PLPPR5: variants seen among roughly 807,000 people sequenced by gnomAD.
The protein encoded by PLPPR5 is phospholipid phosphatase-related protein type 5.
A neutral mutation model predicts 33.9 loss-of-function variants in PLPPR5; 16 were observed. The ratio of observed to expected loss-of-function variants is 0.47; its 90% CI spans 0.32 to 0.72. The LOEUF is 0.72. PLPPR5 is among the 30% of genes least tolerant of loss of function. The probability of loss-of-function intolerance (pLI) is 0.03; values close to 1 mark genes in which losing one functional copy is unlikely to be tolerated. For synonymous variants in PLPPR5, 163 were observed against 150.3 expected (o/e 1.08, Z -0.62); for missense variants, 301 against 406.7 (o/e 0.74, Z 2.23).
chr1:98,935,874 C>T (rs1570712675), intron 3 of PLPPR5, among the ~76,000 whole-genome samples: 1 of 152,162 alleles, frequency 6.6e-6, no homozygotes, highest in Admixed American at 6.5e-5. Context: ...ATCCCACTCT[C>T]TTCCAAAAAA....
chr1:98,952,302 G>C (rs1463116930), intron 3 of PLPPR5, among the ~76,000 whole-genome samples: 1 of 151,676 alleles, frequency 6.6e-6, no homozygotes, highest in Non-Finnish European at 1.5e-5. Flanking sequence ...ACCTTATTGG[G>C]GTTTGTGGAA....
At chr1:98,997,976 G>A (rs1404977597) in intron 1 of PLPPR5, among the ~76,000 whole-genome samples, 4 of 152,154 alleles carry the variant, frequency 2.6e-5, no homozygotes, top group Non-Finnish European at 2.9e-5. Flanking sequence ...AGAGAGAGAA[G>A]GGTGGAAGAG....
In PLPPR5 at chr1:98,956,653, C is replaced by A. The variant is rs762566303; in HGVS notation, c.326G>T (p.Cys109Phe). The change falls in exon 2 of 6, where the codon TGT (cysteine) becomes TTT (phenylalanine). Residue 109 changes from cysteine to phenylalanine, a missense_variant. Transcript: ENST00000263177. Reference sequence around the variant, plus strand: ...GCGCACCAGCGGGTTTATATAGCAACAGTCTCCAGTTAAAATAGTTTTTTC... The same window carrying A: ...GCGCACCAGCGGGTTTATATAGCAAAAGTCTCCAGTTAAAATAGTTTTTTC... ...NQEKTILTGD[C>F]CYINPLVRRT... The A allele has an allele frequency of 1.9e-6, 3 of 1,602,456 alleles. No individual in the cohort carries two copies. The highest frequency in any genetic ancestry group is 2.6e-6 in the Non-Finnish European group (3 of 1,175,958).
At chr1:98,985,650 T>A (rs1355292972) in intron 1 of PLPPR5, among the ~76,000 whole-genome samples, 1 of 152,004 alleles carries the variant, frequency 6.6e-6, no homozygotes, top group Non-Finnish European at 1.5e-5. Flanking sequence ...CATTTTTTAA[T>A]CTATTATACC....
At chr1:98,968,044 A>C (rs955954687) in intron 1 of PLPPR5, among the ~76,000 whole-genome samples, 9 of 152,160 alleles carry the variant, frequency 5.9e-5, no homozygotes, top group Non-Finnish European at 1.3e-4. Flanking sequence ...AGCTACGAGC[A>C]TTCTTTTTAA....
At chr1:98,928,744 A>G (rs1649857699) in intron 3 of PLPPR5, among the ~76,000 whole-genome samples, 1 of 151,444 alleles carries the variant, frequency 6.6e-6, no homozygotes, top group South Asian at 2.1e-4. Flanking sequence ...CACTGATCCT[A>G]AAACCATTTT....
chr1:98,935,448 C>T (rs970710725), intron 3 of PLPPR5, among the ~76,000 whole-genome samples: 28 of 152,236 alleles, frequency 1.8e-4, no homozygotes, highest in Admixed American at 6.5e-4. Context: ...TTCACCTTTA[C>T]TATTTAATTT....
At chr1:98,998,469 T>C (rs1652707189) in intron 1 of PLPPR5, among the ~76,000 whole-genome samples, 1 of 152,120 alleles carries the variant, frequency 6.6e-6, no homozygotes, top group South Asian at 2.1e-4. Context: ...CCAAGCTTAA[T>C]AGGAAACAAA....
At chr1:98,930,697 T>C (rs1002379070) in intron 3 of PLPPR5, among the ~76,000 whole-genome samples, 2 of 152,204 alleles carry the variant, frequency 1.3e-5, no homozygotes, top group Non-Finnish European at 2.9e-5. Flanking sequence ...AGTGTGCTTA[T>C]AACGTATTTC....
chr1:99,003,693 C>A (rs1316026419), intron 1 of PLPPR5, among the ~76,000 whole-genome samples: 1 of 152,106 alleles, frequency 6.6e-6, no homozygotes, highest in Non-Finnish European at 1.5e-5. Context: ...CTCTCACACA[C>A]ACATACACTC....
chr1:98,935,565 A>C (rs554415009), intron 3 of PLPPR5, among the ~76,000 whole-genome samples: 1 of 152,328 alleles, frequency 6.6e-6, no homozygotes, highest in African/African-American at 2.4e-5. Context: ...AGAAAAACCA[A>C]TTATAAGAAC....
chr1:98,986,293 T>A lies in PLPPR5; in HGVS notation c.237+18142A>T, dbSNP rs571181412. Among the ~76,000 whole-genome samples, 6 of 151,916 alleles carry A rather than the reference T, an allele frequency of 3.9e-5. No individual in the cohort carries two copies. The South Asian group carries it at 1.0e-3, about 26-fold the overall frequency. On this transcript the variant is annotated intron_variant, in intron 1 of 5. Transcript: ENST00000263177. ...AGGTATGTTAGTAAACATGAAAAAA[T>A]TGTTCTAGAGGAAACACATAATTTT...
Position 98,890,956 on chromosome 1 carries a change from A to T in PLPPR5, c.*2116T>A, listed in dbSNP as rs1035420167. 2.6e-5 allele frequency: 4 copies of T among 152,142 alleles called. No individual in the cohort carries two copies. Among genetic ancestry groups the T allele is most frequent in the African/African-American group, 9.6e-5 (4 of 41,452 alleles). The allele number at this position is 152,142 out of a possible 1,614,324, so 9.4% of individuals were successfully genotyped here. ...TAAGAATATATGGCTAAGGCTTCCA[A>T]CAGGAAAAACATTCCTGCTTGGCTG... On this transcript the variant is annotated 3_prime_UTR_variant, in exon 6 of 6. Coordinates refer to ENST00000263177, the MANE Select transcript of PLPPR5 (RefSeq NM_001037317.2).
intron 1 of PLPPR5, among the ~76,000 whole-genome samples, chr1:98,981,728 G>A (rs960017869): frequency 2.6e-5 from 4 of 152,022 alleles, no homozygotes; most frequent in African/African-American, 9.7e-5. Context: ...GCATGCTTAA[G>A]TCATTGTGCT....
intron 5 of PLPPR5, among the ~76,000 whole-genome samples, chr1:98,909,396 C>A (rs137877649): frequency 1.3e-5 from 2 of 150,450 alleles, no homozygotes; most frequent in Admixed American, 1.3e-4. Flanking sequence ...GATGGTATTT[C>A]GCATAATTGA....
At chr1:98,990,834 GA>G (rs1652425925) in intron 1 of PLPPR5, 1 of 151,568 alleles carries the variant, frequency 6.6e-6, no homozygotes, top group Admixed American at 6.6e-5. Flanking sequence ...CAGTCTTAAA[GA>G]AACAAGAGTG....
chr1:98,945,060 T>A (rs1312301670), intron 3 of PLPPR5, among the ~76,000 whole-genome samples: 1 of 152,254 alleles, frequency 6.6e-6, no homozygotes, highest in Non-Finnish European at 1.5e-5. Flanking sequence ...CATGGAGTTC[T>A]ACCCAGCTAT....
chr1:98,979,094 C>T (rs1651968082), intron 1 of PLPPR5, among the ~76,000 whole-genome samples: 1 of 152,008 alleles, frequency 6.6e-6, no homozygotes, highest in Admixed American at 6.6e-5. Flanking sequence ...TGACTGAGTA[C>T]CTCCCAGGTC....
intron 1 of PLPPR5, among the ~76,000 whole-genome samples, chr1:98,983,192 T>G (rs1182013499): frequency 1.3e-5 from 2 of 149,048 alleles, no homozygotes; most frequent in East Asian, 4.0e-4. Context: ...ACCCACTAAC[T>G]CGTCATCTAG....
Sources: allele counts gnomAD v4.1 joint callset (sites outside exome capture counted in the v4.1 genomes callset), GRCh38; gene constraint gnomAD v4.1.1; transcripts MANE v1.5; gene names NCBI Gene and HGNC (gene_info 2026-07-23, HGNC 2026-07-21).